The following RIMS2 variants were observed in gnomAD, a reference collection of about 807,000 sequenced individuals.
RIMS2 encodes the protein regulating synaptic membrane exocytosis protein 2.
Under a neutral mutation model 174.4 loss-of-function variants are expected in RIMS2, and 59 were observed. The observed-to-expected ratio is 0.34, with a 90% CI of 0.27 to 0.42. The LOEUF is 0.42. Among genes scored for constraint, RIMS2 ranks in the 10% least tolerant of loss-of-function variants. RIMS2 has a pLI of 1.00. For missense variants in RIMS2, 1,620 were observed against 1,666.3 expected, an observed-to-expected ratio of 0.97 and a Z score of 0.48; for synonymous variants, 606 against 572.5, an observed-to-expected ratio of 1.06 and a Z score of -0.84.
At chr8:103,789,015 G>C (rs1190465941) in intron 3 of RIMS2, among the ~76,000 whole-genome samples, 1 of 152,222 alleles carries the variant, frequency 6.6e-6, no homozygotes, top group East Asian at 1.9e-4. Context: ...CAGTATTCGG[G>C]TGGGAGTGAC....
chr8:103,587,424 G>GA (rs1431077456), intron 1 of RIMS2, among the ~76,000 whole-genome samples: 1 of 110,844 alleles, frequency 9.0e-6, no homozygotes, highest in Non-Finnish European at 1.9e-5. Context: ...AAGAAAGAAA[G>GA]AAAGAAAGAA....
chr8:103,603,171 C>A (rs1371772065), intron 1 of RIMS2, among the ~76,000 whole-genome samples: 2 of 136,636 alleles, frequency 1.5e-5, no homozygotes, highest in African/African-American at 5.5e-5. Context: ...ACACAGTCCC[C>A]AGAGTGTGAT....
intron 1 of RIMS2, among the ~76,000 whole-genome samples, chr8:103,541,354 A>G (rs770321619): frequency 6.6e-6 from 1 of 152,258 alleles, no homozygotes; most frequent in Non-Finnish European, 1.5e-5. Flanking sequence ...TGCTGAAGGA[A>G]GTATCTGTTA....
chr8:103,902,167 A>G (rs2073281767), intron 4 of RIMS2, among the ~76,000 whole-genome samples: 2 of 152,094 alleles, frequency 1.3e-5, no homozygotes, highest in African/African-American at 2.4e-5. Context: ...GCTCCCCCAC[A>G]TCTCCTAAAG....
In RIMS2 at chr8:103,562,185, A is replaced by G. The variant is rs188399555; in HGVS notation, c.176+61123A>G. On this transcript the variant is annotated intron_variant, in intron 1 of 23. Coordinates refer to ENST00000504942, the Ensembl canonical transcript of RIMS2. Reference sequence around the variant, plus strand: ...TCAAAACCAGTCCTGCCTTCCTAACAGTCTCCCAAAGTCTTAACTCATTTC... The same window carrying G: ...TCAAAACCAGTCCTGCCTTCCTAACGGTCTCCCAAAGTCTTAACTCATTTC... Among the ~76,000 whole-genome samples, 474 of 152,276 alleles carry G rather than the reference A, an allele frequency of 3.1e-3. 3 individuals are homozygous for G. Among genetic ancestry groups the G allele is most frequent in the Middle Eastern group, 0.017 (5 of 294 alleles).
intron 3 of RIMS2, among the ~76,000 whole-genome samples, chr8:103,856,931 C>G (rs1342659174): frequency 6.6e-6 from 1 of 151,944 alleles, no homozygotes; most frequent in Non-Finnish European, 1.5e-5. Flanking sequence ...CTCAACCTCC[C>G]GAGTAGCTGG....
intron 3 of RIMS2, among the ~76,000 whole-genome samples, chr8:103,872,015 A>G (rs549150299): frequency 5.9e-5 from 9 of 152,322 alleles, no homozygotes; most frequent in African/African-American, 2.2e-4. Flanking sequence ...CTCTTGCTTA[A>G]CTGTACAGTG....
intron 19 of RIMS2, among the ~76,000 whole-genome samples, chr8:104,147,461 T>C (rs2098650839): frequency 6.6e-6 from 1 of 152,204 alleles, no homozygotes; most frequent in Non-Finnish European, 1.5e-5. Flanking sequence ...GATTTTACTC[T>C]AGGATAGAAA....
chr8:103,665,344 A>T (rs1001112609), intron 1 of RIMS2, among the ~76,000 whole-genome samples: 3 of 152,208 alleles, frequency 2.0e-5, no homozygotes, highest in Admixed American at 6.5e-5. Context: ...CTCATTTGAG[A>T]TGTTCCTCCC....
intron 1 of RIMS2, among the ~76,000 whole-genome samples, chr8:103,646,669 G>A (rs1045956800): frequency 2.0e-5 from 3 of 152,094 alleles, no homozygotes; most frequent in Admixed American, 2.0e-4. Context: ...CTCTTCCTGT[G>A]TTAGTTTGCT....
At chr8:103,860,988 T>A (rs574478010) in intron 3 of RIMS2, among the ~76,000 whole-genome samples, 2 of 152,200 alleles carry the variant, frequency 1.3e-5, no homozygotes, top group East Asian at 3.9e-4. Context: ...TTTTATTTTT[T>A]ATTTTATTTT....
chr8:103,888,504 A>G (rs916842285), intron 4 of RIMS2, among the ~76,000 whole-genome samples: 2 of 151,510 alleles, frequency 1.3e-5, no homozygotes, highest in Non-Finnish European at 3.0e-5. Context: ...GAAAAAAGAT[A>G]GTTTTGTTAT....
chr8:104,106,435 T>C lies in RIMS2; in HGVS notation c.3334+91820T>C, dbSNP rs181636012. Reference sequence around the variant, plus strand: ...AATTTAGAGTTATATACATTAAAAATGTTCATTATCATTGATTAATATATT... The same window carrying C: ...AATTTAGAGTTATATACATTAAAAACGTTCATTATCATTGATTAATATATT... On this transcript the variant is annotated intron_variant, in intron 19 of 23. Transcript: ENST00000504942. Among the ~76,000 whole-genome samples, 260 of 151,290 alleles carry C rather than the reference T, an allele frequency of 1.7e-3. 1 individual carries two copies. The highest frequency in any genetic ancestry group is 6.2e-3 in the African/African-American group (253 of 41,026).
chr8:103,539,825 G>C (rs1841698772), intron 1 of RIMS2, among the ~76,000 whole-genome samples: 1 of 152,224 alleles, frequency 6.6e-6, no homozygotes, highest in South Asian at 2.1e-4. Context: ...TTCAGACTCA[G>C]GCTCTGTGGC....
chr8:104,034,063 T>C (rs2096458678), intron 19 of RIMS2, among the ~76,000 whole-genome samples: 1 of 152,196 alleles, frequency 6.6e-6, no homozygotes, highest in Admixed American at 6.5e-5. Flanking sequence ...TGTCAAAGGG[T>C]TAATGGGGCA....
At chr8:104,247,386 C>A (rs1187982612) in intron 20 of RIMS2, among the ~76,000 whole-genome samples, 1 of 152,140 alleles carries the variant, frequency 6.6e-6, no homozygotes, top group African/African-American at 2.4e-5. Context: ...ACAGCATTTT[C>A]TCTGTGCTTA....
downstream of RIMS2, chr8:104,251,859 C>CAA (rs34085789): frequency 0.33 from 227,965 of 684,652 alleles, 23,129 homozygotes; most frequent in African/African-American, 0.52. Flanking sequence ...ACCAGCGTTA[C>CAA]AAAAAAAAAA....
intron 10 of RIMS2, chr8:103,927,769 T>A: frequency 1.0e-6 from 1 of 968,178 alleles, no homozygotes; most frequent in South Asian, 1.4e-5. Context: ...TTTTTACTTT[T>A]GGTCTTTTAG....
chr8:103,590,945 A>C (rs1011998526), intron 1 of RIMS2, among the ~76,000 whole-genome samples: 9 of 150,852 alleles, frequency 6.0e-5, no homozygotes, highest in African/African-American at 2.2e-4. Flanking sequence ...GTTTATGTTT[A>C]TTTTTATGAG....
Sources: gnomAD v4.1 joint callset for allele counts (sites outside exome capture counted in the v4.1 genomes callset) on GRCh38, gnomAD v4.1.1 for gene constraint, MANE v1.5 for transcripts, NCBI Gene and HGNC (gene_info 2026-07-23, HGNC 2026-07-21) for gene names.